TEX36: variants seen among roughly 807,000 people sequenced by gnomAD.
The protein encoded by TEX36 is testis-expressed protein 36.
In TEX36, 12 loss-of-function variants were observed where a neutral mutation model predicts 13.6. That is an observed-to-expected ratio of 0.88 (90% CI 0.56 to 1.43). The LOEUF is 1.43. Ranked by LOEUF, TEX36 falls within the 40% of genes most tolerant of loss-of-function variation. TEX36 has a pLI of 0.00. For synonymous variants in TEX36, 93 were observed against 83.0 expected, an observed-to-expected ratio of 1.12 and a Z score of -0.65; for missense variants, 224 against 228.3, an observed-to-expected ratio of 0.98 and a Z score of 0.12.
At chr10:125,652,288 G>GT (rs1408249345), downstream of TEX36, among the ~76,000 whole-genome samples, 2 of 152,144 alleles carry the variant, frequency 1.3e-5, no homozygotes, top group African/African-American at 4.8e-5. Context: ...CCAAAACAGA[G>GT]ATATAGACCA....
chr10:125,679,139 C>CCG (rs200506927), intron 1 of TEX36, among the ~76,000 whole-genome samples: 1,480 of 127,076 alleles, frequency 0.012, 146 homozygotes, highest in African/African-American at 0.048. Flanking sequence ...TACAGGAGCA[C>CCG]CCCCCCCGCC....
chr10:125,682,289 C>T (rs1480765849), intron 1 of TEX36, among the ~76,000 whole-genome samples: 1 of 152,154 alleles, frequency 6.6e-6, no homozygotes, highest in Non-Finnish European at 1.5e-5. Flanking sequence ...TGAAAAATCC[C>T]ACAGGCTCTG....
intron 1 of TEX36, among the ~76,000 whole-genome samples, chr10:125,666,344 T>A (rs9422921): frequency 0.011 from 1,739 of 152,292 alleles, 31 homozygotes; most frequent in African/African-American, 0.039. Flanking sequence ...TGGCTGTATA[T>A]GGTCTTTGTT....
chr10:125,640,292 T>C (rs1846671956), intron 3 of TEX36: 1 of 778,080 alleles, frequency 1.3e-6, no homozygotes, highest in Non-Finnish European at 1.6e-6. Context: ...ATTTGGGAAC[T>C]TACAGATCTG....
At chr10:125,613,404 A>C in intron 3 of TEX36, among the ~76,000 whole-genome samples, 1 of 144,978 alleles carries the variant, frequency 6.9e-6, no homozygotes, top group South Asian at 2.4e-4. Context: ...AGCATTAGGT[A>C]TATCTCCTAA....
At chr10:125,614,137 T>C (rs1343893614) in intron 3 of TEX36, among the ~76,000 whole-genome samples, 36 of 152,206 alleles carry the variant, frequency 2.4e-4, no homozygotes, top group Non-Finnish European at 7.4e-5. Context: ...TGTTTGTTTT[T>C]TTCTTGTAAA....
At chr10:125,600,263 T>C (rs1013413628) in intron 3 of TEX36, among the ~76,000 whole-genome samples, 4 of 152,030 alleles carry the variant, frequency 2.6e-5, no homozygotes, top group African/African-American at 9.7e-5. Context: ...GAATCACAAG[T>C]TGATGTAGAG....
intron 3 of TEX36, chr10:125,621,676 G>T: frequency 2.2e-6 from 1 of 456,012 alleles, no homozygotes; most frequent in Non-Finnish European, 4.4e-6. Context: ...CAGTAGCTCA[G>T]TTCAAGTCTG....
chr10:125,622,607 T>C (rs1329014216), intron 3 of TEX36, among the ~76,000 whole-genome samples: 5 of 152,356 alleles, frequency 3.3e-5, no homozygotes, highest in African/African-American at 9.6e-5. Context: ...TAGTTTCCCA[T>C]TGGCCTTAGC....
At chr10:125,623,501 T>C (rs2133561697) in intron 3 of TEX36, among the ~76,000 whole-genome samples, 1 of 152,170 alleles carries the variant, frequency 6.6e-6, no homozygotes, top group Non-Finnish European at 1.5e-5. Flanking sequence ...TCTTTCTGCA[T>C]TAGCTCATGA....
At chr10:125,581,784 G>A (rs1030188661) in intron 3 of TEX36, among the ~76,000 whole-genome samples, 1 of 152,164 alleles carries the variant, frequency 6.6e-6, no homozygotes, top group Non-Finnish European at 1.5e-5. Flanking sequence ...GGGATGTAGG[G>A]TGGTGGTCTC....
chr10:125,612,287 T>C (rs1003526818), intron 3 of TEX36, among the ~76,000 whole-genome samples: 3 of 151,320 alleles, frequency 2.0e-5, no homozygotes, highest in African/African-American at 4.8e-5. Flanking sequence ...TTTCACCGTA[T>C]TGGTCAGGCT....
At position 125,637,897 on chromosome 10, in the gene TEX36, T is replaced by C. The variant is rs78954393; in HGVS notation, c.265-16252A>G. ...GAGTTCTGTTGGAAAAATCCCACAG[T>C]GGGACATAAACCCTCTGCAAGTCCA... is the stretch of plus-strand genomic sequence containing the variant. On this transcript the variant is annotated intron_variant, in intron 3 of 3. Transcript: ENST00000526819. Among the ~76,000 whole-genome samples the C allele has an allele frequency of 4.0e-3, 607 of 152,194 alleles. 11 individuals are homozygous for C. The highest frequency in any genetic ancestry group is 0.014 in the African/African-American group (583 of 41,514).
At chr10:125,614,425 T>G (rs1846331139) in intron 3 of TEX36, among the ~76,000 whole-genome samples, 3 of 151,602 alleles carry the variant, frequency 2.0e-5, no homozygotes, top group African/African-American at 2.4e-5. Flanking sequence ...GTCTAACGTT[T>G]AAGTCTTTAA....
chr10:125,576,652 C>G, exon 4 of TEX36: 1 of 1,441,302 alleles, frequency 6.9e-7, no homozygotes, highest in East Asian at 2.5e-5. Context: ...TACTAACTAG[C>G]TAGGCTAAGA....
chr10:125,590,168 G>A (rs1475180713), intron 3 of TEX36, among the ~76,000 whole-genome samples: 1 of 152,024 alleles, frequency 6.6e-6, no homozygotes, highest in Non-Finnish European at 1.5e-5. Context: ...AGGCTGGAGT[G>A]TAGTGGCACC....
intron 3 of TEX36, among the ~76,000 whole-genome samples, chr10:125,598,842 G>A (rs1297560205): frequency 6.6e-6 from 1 of 152,152 alleles, no homozygotes; most frequent in Non-Finnish European, 1.5e-5. Context: ...CTAACATTGA[G>A]CTGTCTTGAA....
rs532311009 is a variant in TEX36, at chr10:125,634,690, C to T, written c.265-13045G>A. The stretch of plus-strand genomic sequence containing the variant: ...AGTTGCTGCCTGCTAGAATGGATAG[C>T]GCCCATTTTGTTAAAAATCAGAAGG... On this transcript the variant is annotated intron_variant, in intron 3 of 3. Transcript: ENST00000526819. Among the ~76,000 whole-genome samples the T allele has an allele frequency of 2.1e-3, 322 of 152,250 alleles. 2 individuals carry two copies. Among genetic ancestry groups the T allele is most frequent in the African/African-American group, 7.2e-3 (299 of 41,542 alleles).
At chr10:125,642,034 T>C (rs1433623832) in intron 3 of TEX36, among the ~76,000 whole-genome samples, 1 of 152,196 alleles carries the variant, frequency 6.6e-6, no homozygotes, top group Non-Finnish European at 1.5e-5. Context: ...GCAGATTTGG[T>C]TCTGTATGTC....
Sources: gnomAD v4.1 joint callset for allele counts (sites outside exome capture counted in the v4.1 genomes callset) on GRCh38, gnomAD v4.1.1 for gene constraint, MANE v1.5 for transcripts, NCBI Gene and HGNC (gene_info 2026-07-23, HGNC 2026-07-21) for gene names.